The following ADAMTS9 variants were observed in gnomAD, a reference collection of about 807,000 sequenced individuals.
The protein encoded by ADAMTS9 is A disintegrin and metalloproteinase with thrombospondin motifs 9.
ADAMTS9 carries 107 observed loss-of-function variants against 257.1 expected under a neutral mutation model. That is an observed-to-expected ratio of 0.42 (90% CI 0.36 to 0.49). ADAMTS9 has a LOEUF of 0.49. Ranked by LOEUF, ADAMTS9 falls within the 20% of genes least tolerant of loss-of-function variation. The probability of loss-of-function intolerance (pLI) is 0.03; values close to 1 mark genes in which losing one functional copy is unlikely to be tolerated. For synonymous variants in ADAMTS9, 982 were observed against 880.9 expected (o/e 1.11, Z -2.03); for missense variants, 2,353 against 2,469.1 (o/e 0.95, Z 1.00).
intron 3 of ADAMTS9, among the ~76,000 whole-genome samples, chr3:64,678,450 C>T (rs1016037439): frequency 2.0e-5 from 3 of 152,172 alleles, no homozygotes; most frequent in Admixed American, 1.3e-4. Context: ...TCACTTGGAG[C>T]ACTATTAAAA....
At position 64,643,445 on chromosome 3, in the gene ADAMTS9, A is replaced by ATTTTTTTTT. The variant is rs57471985; in HGVS notation, c.1711-1461_1711-1453dup. On this transcript the variant is annotated intron_variant, in intron 11 of 39. Transcript: ENST00000498707. ...GTAGTCAACATAACATTACTCAATA[A>ATTTTTTTTT]TTTTTTTTTTTTTTTTTTTTTTTTT... Among the ~76,000 whole-genome samples the ATTTTTTTTT allele has an allele frequency of 1.3e-4, 8 of 61,414 alleles. 1 individual carries two copies. The highest frequency in any genetic ancestry group is 6.9e-4 in the South Asian group (1 of 1,450). 40.3% of individuals were successfully genotyped at this position (61,414 alleles called of 152,430 possible).
At chr3:64,681,541 T>C (rs529092736) in intron 2 of ADAMTS9, among the ~76,000 whole-genome samples, 178 bp from the exon 3 acceptor site, 1 of 152,312 alleles carries the variant, frequency 6.6e-6, no homozygotes, top group East Asian at 1.9e-4. Context: ...TTCCACTCTC[T>C]GTCATATCAG....
chr3:64,533,233 G>C lies in ADAMTS9; in HGVS notation c.5651C>G (p.Ser1884Cys). ...FSINLYGTGL[S>C]LTESARWISQ... ...TATCCATCTGGCAGATTCAGTTAAA[G>C]ACAAGCCGGTTCCATAAAGGTTGAT... Residue 1884 changes from serine to cysteine, a missense_variant, in exon 38 of 40, where the codon TCT (serine) becomes TGT (cysteine). By Grantham distance (112) the Ser-to-Cys change is moderately radical (BLOSUM62 -1). This residue lies in a region of ADAMTS9 where 1,402 missense variants were observed against 1,441.4 expected (regional missense o/e 0.97). Coordinates refer to ENST00000498707, the MANE Select transcript of ADAMTS9 (RefSeq NM_182920.2). 1 of 1,611,306 alleles carries C rather than the reference G, an allele frequency of 6.2e-7. No individual in the cohort carries two copies. Among genetic ancestry groups the C allele is most frequent in the Non-Finnish European group, 8.5e-7 (1 of 1,178,762 alleles).
At chr3:64,529,894 T>C (rs925606929) in intron 38 of ADAMTS9, among the ~76,000 whole-genome samples, 3 of 151,998 alleles carry the variant, frequency 2.0e-5, no homozygotes, top group Non-Finnish European at 2.9e-5. Flanking sequence ...TAATGGCTCA[T>C]TGCAGCCTTG....
At chr3:64,612,382 T>A (rs769026220) in intron 22 of ADAMTS9, among the ~76,000 whole-genome samples, 10 of 152,134 alleles carry the variant, frequency 6.6e-5, no homozygotes, top group Admixed American at 1.3e-4. Context: ...AAAAAGAAGA[T>A]GAGATTAGAA....
intron 28 of ADAMTS9, chr3:64,588,878 T>G (rs2084209173): frequency 6.6e-6 from 1 of 152,188 alleles, no homozygotes; most frequent in Non-Finnish European, 1.5e-5. Context: ...TCTGAACACA[T>G]TAGAGATGAG....
At chr3:64,586,213 A>C (rs374532637) in intron 28 of ADAMTS9, among the ~76,000 whole-genome samples, 1 of 152,126 alleles carries the variant, frequency 6.6e-6, no homozygotes, top group Admixed American at 6.6e-5. Context: ...TAAGTTAGAC[A>C]AACGTGGGTG....
chr3:64,607,168 C>T (rs1202668219), intron 22 of ADAMTS9, 89 bp from the exon 23 acceptor site: 11 of 1,551,794 alleles, frequency 7.1e-6, no homozygotes, highest in Non-Finnish European at 9.6e-6. Context: ...GAGAGAAATA[C>T]TTCCATCACA....
At position 64,584,723 on chromosome 3, in the gene ADAMTS9, A is replaced by G. The variant is rs116186029; in HGVS notation, c.4356+9535T>C. Among the ~76,000 whole-genome samples the G allele has an allele frequency of 8.4e-3, 1,282 of 152,116 alleles. 19 individuals carry two copies. The highest frequency in any genetic ancestry group is 0.029 in the African/African-American group (1,211 of 41,492). On this transcript the variant is annotated intron_variant, in intron 28 of 39. Coordinates refer to ENST00000498707, the MANE Select transcript of ADAMTS9 (RefSeq NM_182920.2). Reference sequence around the variant, plus strand: ...CTTATCCCCTCATCCTGAGTCCCCAATTGCCAACATTTCACCACATTTGCT... The same window carrying G: ...CTTATCCCCTCATCCTGAGTCCCCAGTTGCCAACATTTCACCACATTTGCT...
intron 4 of ADAMTS9, among the ~76,000 whole-genome samples, chr3:64,657,485 T>C (rs762146639): frequency 1.5e-4 from 22 of 150,620 alleles, no homozygotes; most frequent in Non-Finnish European, 2.7e-4. Context: ...ACTATAGGTA[T>C]ATGCCACTAC....
At chr3:64,518,751 T>C in intron 39 of ADAMTS9, among the ~76,000 whole-genome samples, 1 of 148,758 alleles carries the variant, frequency 6.7e-6, no homozygotes, top group Non-Finnish European at 1.5e-5. Flanking sequence ...AGGGAATTTA[T>C]CATTACCTTT....
At chr3:64,618,295 T>G (rs998502260) in intron 19 of ADAMTS9, among the ~76,000 whole-genome samples, 1 of 152,208 alleles carries the variant, frequency 6.6e-6, no homozygotes, top group Non-Finnish European at 1.5e-5. Context: ...ATTATTACCA[T>G]TGGCCTATGA....
intron 3 of ADAMTS9, 57 bp from the exon 4 acceptor site, chr3:64,658,848 GAATTT>G (rs1486865958): frequency 6.0e-6 from 9 of 1,512,602 alleles, no homozygotes; most frequent in African/African-American, 1.4e-5. Flanking sequence ...TTTATATTAA[GAATTT>G]AATTTGACAC....
At chr3:64,564,202 G>A (rs142365613) in intron 29 of ADAMTS9, among the ~76,000 whole-genome samples, 397 of 152,232 alleles carry the variant, frequency 2.6e-3, no homozygotes, top group African/African-American at 9.3e-3. Context: ...CAAAGTAGAC[G>A]TTTTTCACTC....
At chr3:64,630,473 A>G (rs867902748) in intron 16 of ADAMTS9, among the ~76,000 whole-genome samples, 3 of 152,224 alleles carry the variant, frequency 2.0e-5, no homozygotes, top group African/African-American at 7.2e-5. Flanking sequence ...CCAGCTACTC[A>G]GGCTGAGGTG....
chr3:64,598,796 T>G (rs2084408496), intron 26 of ADAMTS9, among the ~76,000 whole-genome samples: 1 of 152,168 alleles, frequency 6.6e-6, no homozygotes, highest in South Asian at 2.1e-4. Context: ...GATAATATAA[T>G]CTTGTATCAT....
At chr3:64,668,528 C>T (rs1701404174) in intron 3 of ADAMTS9, among the ~76,000 whole-genome samples, 1 of 152,210 alleles carries the variant, frequency 6.6e-6, no homozygotes, top group Non-Finnish European at 1.5e-5. Flanking sequence ...CACTTCAGCC[C>T]TCTGTGCCTC....
chr3:64,669,159 A>C (rs1701422393), intron 3 of ADAMTS9, among the ~76,000 whole-genome samples: 1 of 152,186 alleles, frequency 6.6e-6, no homozygotes, highest in Non-Finnish European at 1.5e-5. Context: ...TTATTTTAAA[A>C]TCATATTTGG....
chr3:64,641,862 C>T lies in ADAMTS9; in HGVS notation c.1842G>A (p.Glu614=). Residue 614 remains glutamate, a synonymous_variant, in exon 12 of 40, where the codon GAG becomes GAA. Transcript: ENST00000498707. The part of the protein sequence containing the change: ...CGGGIKTAIR[E]CNRPEPKNGG... ...CTAGGACTTACTCTGGTCTGTTGCA[C>T]TCTCGAATGGCTGTTTTGATGCCCC... 6.2e-7 allele frequency: 1 copy of T among 1,614,134 alleles called. No homozygotes were observed. Among genetic ancestry groups the T allele is most frequent in the Non-Finnish European group, 8.5e-7 (1 of 1,180,010 alleles).
Sources: allele counts gnomAD v4.1 joint callset (sites outside exome capture counted in the v4.1 genomes callset), GRCh38; gene constraint gnomAD v4.1.1; regional missense constraint gnomAD v4.1.1; transcripts MANE v1.5; gene names NCBI Gene and HGNC (gene_info 2026-07-23, HGNC 2026-07-21).